Variants in SENP7 observed in about 807,000 individuals in gnomAD.
SENP7 encodes the protein sentrin-specific protease 7.
Under a neutral mutation model 141.2 loss-of-function variants are expected in SENP7, and 64 were observed. The observed-to-expected ratio is 0.45, with a 90% CI of 0.37 to 0.56. SENP7 has a LOEUF of 0.56. Ranked by LOEUF, SENP7 falls within the 20% of genes least tolerant of loss-of-function variation. The pLI is 0.00. For missense variants in SENP7, 1,025 were observed against 1,212.2 expected (o/e 0.85, Z 2.29); for synonymous variants, 382 against 426.4 (o/e 0.90, Z 1.28).
At position 101,366,616 on chromosome 3, in the gene SENP7, A is replaced by G; in HGVS notation, c.1132T>C (p.Leu378=). The change falls in exon 9 of 24, where the codon TTG becomes CTG. Residue 378 remains leucine (L), a synonymous_variant. Transcript: ENST00000394095. ...LSSLNSQELT[L]SNATKSASAG... is the part of the protein sequence containing the mutation. Reference sequence around the variant, plus strand: ...GAGGCACTTTTGGTGGCATTACTCAAAGTCAACTCCTGACTGTTAAGTGAG... The same window carrying G: ...GAGGCACTTTTGGTGGCATTACTCAGAGTCAACTCCTGACTGTTAAGTGAG... 1 of 1,613,966 alleles carries G rather than the reference A, an allele frequency of 6.2e-7. No homozygotes were observed. The highest frequency in any genetic ancestry group is 8.5e-7 in the Non-Finnish European group (1 of 1,179,876).
chr3:101,456,686 G>A (rs1328696693), intron 4 of SENP7, among the ~76,000 whole-genome samples: 1 of 152,122 alleles, frequency 6.6e-6, no homozygotes, highest in Non-Finnish European at 1.5e-5. Context: ...ATAATAATAT[G>A]TAACAAAATT....
chr3:101,378,749 C>T (rs1206477984), intron 6 of SENP7, among the ~76,000 whole-genome samples: 1 of 151,868 alleles, frequency 6.6e-6, no homozygotes, highest in Non-Finnish European at 1.5e-5. Context: ...AACACCTAGG[C>T]ATATCATATT....
intron 6 of SENP7, among the ~76,000 whole-genome samples, chr3:101,397,768 G>A (rs2061011485): frequency 6.6e-6 from 1 of 152,008 alleles, no homozygotes; most frequent in South Asian, 2.1e-4. Flanking sequence ...GGATAGTTTG[G>A]GGGGAAAAAA....
chr3:101,406,953 T>C (rs1038123519), intron 5 of SENP7, among the ~76,000 whole-genome samples: 1 of 152,198 alleles, frequency 6.6e-6, no homozygotes, highest in African/African-American at 2.4e-5. Flanking sequence ...GCCAAGAATT[T>C]TGTATGCAGC....
chr3:101,423,619 G>A (rs2061854755), intron 4 of SENP7, among the ~76,000 whole-genome samples: 1 of 152,184 alleles, frequency 6.6e-6, no homozygotes, highest in African/African-American at 2.4e-5. Context: ...AAGTGGAATG[G>A]CTACCACCAA....
chr3:101,465,587 T>C, intron 3 of SENP7, among the ~76,000 whole-genome samples: 1 of 152,160 alleles, frequency 6.6e-6, no homozygotes, highest in East Asian at 1.9e-4. Flanking sequence ...CATGACTGTG[T>C]CTATGTAAAA....
At chr3:101,487,675 A>T (rs1327573552) in intron 3 of SENP7, among the ~76,000 whole-genome samples, 1 of 152,222 alleles carries the variant, frequency 6.6e-6, no homozygotes, top group Non-Finnish European at 1.5e-5. Flanking sequence ...ATTCTGTTGC[A>T]TATGGCTAGC....
At chr3:101,353,108 T>G (rs1349507334) in intron 11 of SENP7, among the ~76,000 whole-genome samples, 1 of 151,974 alleles carries the variant, frequency 6.6e-6, no homozygotes, top group Admixed American at 6.6e-5. Context: ...TGTTACATAA[T>G]TTAATCAAAT....
At chr3:101,383,707 G>T (rs2060572373) in intron 6 of SENP7, among the ~76,000 whole-genome samples, 1 of 152,088 alleles carries the variant, frequency 6.6e-6, no homozygotes, top group South Asian at 2.1e-4. Flanking sequence ...CTGGACTTTG[G>T]GGGCCAATGA....
intron 14 of SENP7, among the ~76,000 whole-genome samples, chr3:101,342,739 C>G (rs2107200587): frequency 6.6e-6 from 1 of 151,680 alleles, no homozygotes; most frequent in South Asian, 2.1e-4. Flanking sequence ...CAATCTCGAT[C>G]ACTGCAATCT....
intron 5 of SENP7, among the ~76,000 whole-genome samples, chr3:101,411,241 C>A (rs918224737): frequency 6.6e-6 from 1 of 152,170 alleles, no homozygotes; most frequent in Non-Finnish European, 1.5e-5. Context: ...TGGAATATCA[C>A]TTAATTTTCA....
At chr3:101,373,771 T>C (rs1407776308) in intron 6 of SENP7, among the ~76,000 whole-genome samples, 1 of 152,106 alleles carries the variant, frequency 6.6e-6, no homozygotes, top group Non-Finnish European at 1.5e-5. Flanking sequence ...ATAATCTCAA[T>C]CCAAATAACA....
rs182846376 is a variant in SENP7, at chr3:101,368,665, G to T, written c.797-654C>A. On this transcript the variant is annotated intron_variant, in intron 7 of 23. Coordinates refer to ENST00000394095, the MANE Select transcript of SENP7 (RefSeq NM_020654.5). ...GTTAATGGGTGCAGCACACCAACATGGCACATGTATACATATGTAACTAAC... is the reference window on the plus strand; with the variant it reads ...GTTAATGGGTGCAGCACACCAACATTGCACATGTATACATATGTAACTAAC... Among the ~76,000 whole-genome samples the T allele has an allele frequency of 9.4e-3, 1,425 of 151,808 alleles. 21 individuals are homozygous for T. The highest frequency in any genetic ancestry group is 0.033 in the African/African-American group (1,350 of 41,368).
intron 11 of SENP7, among the ~76,000 whole-genome samples, chr3:101,361,461 C>A (rs2059899960): frequency 6.6e-6 from 1 of 151,882 alleles, no homozygotes; most frequent in Non-Finnish European, 1.5e-5. Flanking sequence ...CTTTTAGAAC[C>A]CAAAGATTAT....
chr3:101,414,507 G>C (rs755683822), intron 5 of SENP7: 48 of 1,555,262 alleles, frequency 3.1e-5, no homozygotes, highest in Non-Finnish European at 4.3e-5. Flanking sequence ...TAGCTGCTGG[G>C]AGTAAGGAGC....
intron 3 of SENP7, among the ~76,000 whole-genome samples, chr3:101,468,198 T>C (rs1176348258): frequency 6.6e-6 from 1 of 152,108 alleles, no homozygotes; most frequent in Non-Finnish European, 1.5e-5. Context: ...CCAAGAAATA[T>C]GGGACTATGT....
At chr3:101,335,108 G>A (rs1034241349) in intron 17 of SENP7, among the ~76,000 whole-genome samples, 1 of 152,150 alleles carries the variant, frequency 6.6e-6, no homozygotes, top group African/African-American at 2.4e-5. Flanking sequence ...TACAGATCAC[G>A]CTGTGAAACA....
At chr3:101,453,532 A>G (rs1466685185) in intron 4 of SENP7, among the ~76,000 whole-genome samples, 3 of 152,250 alleles carry the variant, frequency 2.0e-5, no homozygotes, top group Non-Finnish European at 1.5e-5. Flanking sequence ...AATACTATGC[A>G]GCCATAAAAA....
intron 3 of SENP7, among the ~76,000 whole-genome samples, chr3:101,469,188 T>G (rs767177728): frequency 1.3e-5 from 2 of 151,884 alleles, no homozygotes; most frequent in Non-Finnish European, 2.9e-5. Context: ...ACACACCCAA[T>G]AAAGGAGCAC....
Sources: allele counts gnomAD v4.1 joint callset (sites outside exome capture counted in the v4.1 genomes callset), GRCh38; gene constraint gnomAD v4.1.1; transcripts MANE v1.5; gene names NCBI Gene and HGNC (gene_info 2026-07-23, HGNC 2026-07-21).